BCL2L1: variants seen among roughly 807,000 people sequenced by gnomAD.
BCL2L1 encodes the protein BCL2 like 1, also known as bcl-2-like protein 1.
A neutral mutation model predicts 18.7 loss-of-function variants in BCL2L1; 1 was observed. That is an observed-to-expected ratio of 0.05 (90% CI 0.02 to 0.25). The LOEUF is 0.25. Among genes scored for constraint, BCL2L1 ranks in the 10% least tolerant of loss-of-function variants. The probability of loss-of-function intolerance (pLI) is 1.00; values close to 1 mark genes in which losing one functional copy is unlikely to be tolerated. For missense variants in BCL2L1, 207 were observed against 304.9 expected, an observed-to-expected ratio of 0.68 and a Z score of 2.39; for synonymous variants, 103 against 122.7, an observed-to-expected ratio of 0.84 and a Z score of 1.06.
intron 2 of BCL2L1, among the ~76,000 whole-genome samples, chr20:31,671,825 T>C (rs879548342): frequency 3.3e-5 from 5 of 150,732 alleles, no homozygotes; most frequent in Admixed American, 2.0e-4. Flanking sequence ...CCCATGAAAT[T>C]TGAATACCTC....
intron 2 of BCL2L1, among the ~76,000 whole-genome samples, chr20:31,675,512 G>A (rs2060744925): frequency 6.6e-6 from 1 of 152,192 alleles, no homozygotes; most frequent in African/African-American, 2.4e-5. Context: ...CGGAAGAAGT[G>A]AGGTTTGTGG....
rs2061214631 is a variant in BCL2L1, at chr20:31,698,188, T to TG, written c.564+23466dup. The stretch of plus-strand genomic sequence containing the variant: ...CAGGCGTGAACCATCGTGCCCAGCC[T>TG]GGTGATCCTTTAAAAATGTATGTCG... On this transcript the variant is annotated intron_variant, in intron 2 of 2. Coordinates refer to ENST00000307677, the MANE Select transcript of BCL2L1 (RefSeq NM_138578.3). Among the ~76,000 whole-genome samples the TG allele has an allele frequency of 2.6e-5, 4 of 152,120 alleles. No homozygotes were observed. The South Asian group carries it at 8.3e-4, about 32-fold the overall frequency.
chr20:31,673,716 C>T (rs555183324), intron 2 of BCL2L1, among the ~76,000 whole-genome samples: 22 of 152,276 alleles, frequency 1.4e-4, no homozygotes, highest in African/African-American at 5.3e-4. Flanking sequence ...CATTACCAAA[C>T]ATTTCAGTGT....
At chr20:31,705,198 G>C (rs2122732556) in intron 2 of BCL2L1, among the ~76,000 whole-genome samples, 1 of 152,286 alleles carries the variant, frequency 6.6e-6, no homozygotes, top group East Asian at 1.9e-4. Context: ...GAACCTACCT[G>C]AGTGGTACTA....
intron 2 of BCL2L1, chr20:31,720,134 C>T (rs1310481878): frequency 1.0e-6 from 1 of 985,312 alleles, no homozygotes; most frequent in Non-Finnish European, 1.2e-6. Context: ...TGACCCCACC[C>T]CAGTTATCTG....
intron 2 of BCL2L1, among the ~76,000 whole-genome samples, chr20:31,717,103 T>C (rs1315857679): frequency 2.6e-5 from 4 of 152,162 alleles, no homozygotes; most frequent in Admixed American, 2.6e-4. Context: ...CAGTAGGAGA[T>C]TATACTTCCG....
In BCL2L1 at chr20:31,697,892, G is replaced by GTTTTTTTTTTTTTTTTTTTTTTTTTTTT. The variant is rs199575410; in HGVS notation, c.564+23762_564+23763insAAAAAAAAAAAAAAAAAAAAAAAAAAAA. ...AGAATCCTCAGCATGTGCTGTTGCTGTTTTTTTTTTTTTGAGACGGAGTCT... is the reference window on the plus strand; with the variant it reads ...AGAATCCTCAGCATGTGCTGTTGCTGTTTTTTTTTTTTTTTTTTTTTTTTTTTTTTTTTTTTTTTTTGAGACGGAGTCT... On this transcript the variant is annotated intron_variant, in intron 2 of 2. Coordinates refer to ENST00000307677, the MANE Select transcript of BCL2L1 (RefSeq NM_138578.3). 2.2e-4 allele frequency among the ~76,000 whole-genome samples: 29 copies of GTTTTTTTTTTTTTTTTTTTTTTTTTTTT among 129,644 alleles called. 1 individual carries two copies. The highest frequency in any genetic ancestry group is 9.5e-4 in the African/African-American group (29 of 30,502). 85.1% of individuals were successfully genotyped at this position (129,644 alleles called of 152,430 possible).
chr20:31,709,878 G>C (rs1399449562), intron 2 of BCL2L1, among the ~76,000 whole-genome samples: 1 of 147,260 alleles, frequency 6.8e-6, no homozygotes. Context: ...AAGAGACAAG[G>C]TTTTGTCATA....
At chr20:31,717,262 C>T (rs576815845) in intron 2 of BCL2L1, among the ~76,000 whole-genome samples, 1 of 152,314 alleles carries the variant, frequency 6.6e-6, no homozygotes, top group African/African-American at 2.4e-5. Flanking sequence ...CGCTCAAGCC[C>T]ACTGGCCTCA....
intron 2 of BCL2L1, among the ~76,000 whole-genome samples, chr20:31,696,957 G>A (rs2061181440): frequency 6.6e-6 from 1 of 151,102 alleles, no homozygotes; most frequent in African/African-American, 2.4e-5. Context: ...TCGGGAGGCT[G>A]AGGCAGGAGA....
At chr20:31,688,654 C>G (rs940634110) in intron 2 of BCL2L1, among the ~76,000 whole-genome samples, 19 of 152,090 alleles carry the variant, frequency 1.2e-4, no homozygotes, top group Admixed American at 1.1e-3. Context: ...AGTAATTCCA[C>G]TTTTAGGGAT....
intron 2 of BCL2L1, among the ~76,000 whole-genome samples, chr20:31,673,408 C>G (rs1263570367): frequency 6.6e-6 from 1 of 151,470 alleles, no homozygotes; most frequent in African/African-American, 2.4e-5. Flanking sequence ...ACTTTAGGAG[C>G]TGAGGCAGGA....
intron 2 of BCL2L1, among the ~76,000 whole-genome samples, chr20:31,698,818 G>A (rs1315053170): frequency 6.6e-6 from 1 of 152,174 alleles, no homozygotes; most frequent in Non-Finnish European, 1.5e-5. Flanking sequence ...CAGATTACAG[G>A]CATGAGCCAC....
chr20:31,708,242 G>A (rs2061401017), intron 2 of BCL2L1, among the ~76,000 whole-genome samples: 1 of 152,210 alleles, frequency 6.6e-6, no homozygotes, highest in South Asian at 2.1e-4. Flanking sequence ...AAGGGGGCAA[G>A]GGCATGGGAG....
chr20:31,673,389 T>C (rs2060704877), intron 2 of BCL2L1, among the ~76,000 whole-genome samples: 1 of 151,130 alleles, frequency 6.6e-6, no homozygotes, highest in Admixed American at 6.6e-5. Context: ...TTGTTAACAG[T>C]AATAAAATAC....
intron 2 of BCL2L1, among the ~76,000 whole-genome samples, chr20:31,716,355 C>T (rs543034185): frequency 1.1e-4 from 17 of 152,224 alleles, no homozygotes; most frequent in African/African-American, 4.1e-4. Context: ...TTCTTCATAG[C>T]ATGTACAATC....
chr20:31,688,725 T>C (rs1206063376), intron 2 of BCL2L1, among the ~76,000 whole-genome samples: 1 of 152,206 alleles, frequency 6.6e-6, no homozygotes, highest in Non-Finnish European at 1.5e-5. Flanking sequence ...ACAGGGCTAT[T>C]CATTGAGTGT....
intron 2 of BCL2L1, among the ~76,000 whole-genome samples, chr20:31,691,738 T>G (rs548755680): frequency 6.6e-6 from 1 of 151,922 alleles, no homozygotes; most frequent in African/African-American, 2.4e-5. Context: ...CAAAAGGAAA[T>G]GGAGCAAGGA....
At chr20:31,669,818 TAAATACATGA>T (rs1288276445) in intron 2 of BCL2L1, among the ~76,000 whole-genome samples, 9 of 152,162 alleles carry the variant, frequency 5.9e-5, no homozygotes, top group Non-Finnish European at 1.3e-4. Flanking sequence ...TCTTGCTCTG[TAAATACATGA>T]GAATACATGA....
Sources: allele counts gnomAD v4.1 joint callset (sites outside exome capture counted in the v4.1 genomes callset), GRCh38; gene constraint gnomAD v4.1.1; transcripts MANE v1.5; gene names NCBI Gene and HGNC (gene_info 2026-07-23, HGNC 2026-07-21).